MYO5B: variants seen among roughly 807,000 people sequenced by gnomAD.
MYO5B encodes the protein unconventional myosin-Vb.
Under a neutral mutation model 229.3 loss-of-function variants are expected in MYO5B, and 143 were observed. That is an observed-to-expected ratio of 0.62 (90% CI 0.54 to 0.72). MYO5B has a LOEUF of 0.72. Among genes scored for constraint, MYO5B ranks in the 30% least tolerant of loss-of-function variants. The probability of loss-of-function intolerance (pLI) is 0.00; values close to 1 mark genes in which losing one functional copy is unlikely to be tolerated. For synonymous variants in MYO5B, 918 were observed against 885.2 expected (o/e 1.04, Z -0.66); for missense variants, 2,321 against 2,331.0 (o/e 1.00, Z 0.09).
chr18:50,037,200 C>CAT (rs2026458430), intron 3 of MYO5B, among the ~76,000 whole-genome samples: 2 of 151,062 alleles, frequency 1.3e-5, no homozygotes, highest in Non-Finnish European at 2.9e-5. Context: ...TAAGCATACA[C>CAT]ACATACACAC....
At chr18:50,120,092 A>C (rs2032033254) in intron 1 of MYO5B, among the ~76,000 whole-genome samples, 2 of 152,274 alleles carry the variant, frequency 1.3e-5, no homozygotes, top group Non-Finnish European at 2.9e-5. Context: ...GTGCATTTAC[A>C]AAACTTAAGT....
chr18:49,902,612 C>T lies in MYO5B; in HGVS notation c.2793G>A (p.Gln931=). ...CACTGACCTGCTCATCGATCTTCCG[C>T]TGCAGCTGGACCACCTTGTTCTCCA... is the stretch of plus-strand genomic sequence containing the variant. ...VGMENKVVQL[Q]RKIDEQNKEF... Residue 931 remains glutamine (Q), a synonymous_variant, in exon 21 of 40, where the codon CAG becomes CAA. Coordinates refer to ENST00000285039, the MANE Select transcript of MYO5B (RefSeq NM_001080467.3). 6.2e-7 allele frequency: 1 copy of T among 1,612,896 alleles called. No homozygotes were observed. The highest frequency in any genetic ancestry group is 8.5e-7 in the Non-Finnish European group (1 of 1,180,032).
chr18:49,998,878 T>G (rs938684135), intron 5 of MYO5B, among the ~76,000 whole-genome samples: 14 of 152,150 alleles, frequency 9.2e-5, no homozygotes, highest in Non-Finnish European at 1.2e-4. Context: ...AATGGGTAAA[T>G]AATTTCTGTT....
At chr18:49,871,138 A>G (rs1021521126) in intron 27 of MYO5B, among the ~76,000 whole-genome samples, 27 of 152,260 alleles carry the variant, frequency 1.8e-4, no homozygotes, top group African/African-American at 6.5e-4. Flanking sequence ...AATAGAGATC[A>G]ACCATCAGGA....
At position 50,030,876 on chromosome 18, in the gene MYO5B, G is replaced by GAAAAAAAAAAAAAAAAAAAAA. The variant is rs869189090; in HGVS notation, c.455+5953_455+5973dup. Among the ~76,000 whole-genome samples, 14 of 30,500 alleles carry GAAAAAAAAAAAAAAAAAAAAA rather than the reference G, an allele frequency of 4.6e-4. 1 individual carries two copies. The highest frequency in any genetic ancestry group is 2.8e-3 in the South Asian group (1 of 358). 20.0% of individuals were successfully genotyped at this position (30,500 alleles called of 152,430 possible). ...TCTGCAGCATCCCCACTCCCTTTCAGAAAAAAAAAAAAAAAAAAAAAAAAA... is the reference window on the plus strand; with the variant it reads ...TCTGCAGCATCCCCACTCCCTTTCAGAAAAAAAAAAAAAAAAAAAAAAAAAAAAAAAAAAAAAAAAAAAAAA... On this transcript the variant is annotated intron_variant, in intron 4 of 39. Transcript: ENST00000285039.
intron 1 of MYO5B, among the ~76,000 whole-genome samples, chr18:50,144,801 T>C (rs1340930250): frequency 6.6e-6 from 1 of 152,166 alleles, no homozygotes; most frequent in African/African-American, 2.4e-5. Context: ...ACCTAATAGG[T>C]ATACACAGTT....
chr18:49,946,594 G>A (rs2144231852), intron 14 of MYO5B, among the ~76,000 whole-genome samples: 1 of 152,166 alleles, frequency 6.6e-6, no homozygotes, highest in Admixed American at 6.5e-5. Context: ...ATTAAACAGG[G>A]ACTTTGTAAC....
intron 2 of MYO5B, among the ~76,000 whole-genome samples, chr18:50,045,536 G>C (rs186731499): frequency 1.8e-4 from 28 of 152,272 alleles, no homozygotes; most frequent in Admixed American, 1.5e-3. Flanking sequence ...TCGGACTACA[G>C]TTATGTGCCA....
At chr18:50,033,406 G>A (rs921613991) in intron 4 of MYO5B, among the ~76,000 whole-genome samples, 2 of 152,114 alleles carry the variant, frequency 1.3e-5, no homozygotes, top group African/African-American at 4.8e-5. Context: ...TGACACCGTG[G>A]CACAGTTTCT....
At chr18:49,990,359 G>T in intron 7 of MYO5B, 80 bp downstream of exon 7, 1 of 1,205,978 alleles carries the variant, frequency 8.3e-7, no homozygotes, top group South Asian at 1.2e-5. Context: ...ATGACGGAGG[G>T]CTTTGAGCAG....
At chr18:49,838,888 T>A (rs1177764415) in intron 36 of MYO5B, among the ~76,000 whole-genome samples, 1 of 152,202 alleles carries the variant, frequency 6.6e-6, no homozygotes, top group Non-Finnish European at 1.5e-5. Context: ...TGTATTAAAA[T>A]TTGGGAAAAA....
chr18:50,043,650 A>AAT (rs1234236723), intron 2 of MYO5B, among the ~76,000 whole-genome samples: 1 of 138,234 alleles, frequency 7.2e-6, no homozygotes, highest in African/African-American at 2.7e-5. Flanking sequence ...TATATTTATA[A>AAT]ATATGTAAAT....
intron 17 of MYO5B, among the ~76,000 whole-genome samples, chr18:49,912,514 C>T (rs1002496841): frequency 6.6e-6 from 1 of 152,146 alleles, no homozygotes; most frequent in Non-Finnish European, 1.5e-5. Context: ...TCTCACATGT[C>T]GAGGGAGGTA....
chr18:50,039,855 T>C (rs1322281196), intron 3 of MYO5B, among the ~76,000 whole-genome samples: 1 of 152,148 alleles, frequency 6.6e-6, no homozygotes, highest in East Asian at 1.9e-4. Flanking sequence ...GACACGATGC[T>C]GTACTTACTC....
chr18:49,866,009 G>A (rs564873002), intron 27 of MYO5B, among the ~76,000 whole-genome samples: 70 of 152,230 alleles, frequency 4.6e-4, no homozygotes, highest in African/African-American at 1.6e-3. Context: ...GGTCAACAGT[G>A]CCAAAAGAAT....
chr18:49,992,909 C>T (rs989509127), intron 5 of MYO5B, among the ~76,000 whole-genome samples: 1 of 152,190 alleles, frequency 6.6e-6, no homozygotes, highest in African/African-American at 2.4e-5. Flanking sequence ...GTACTTAATA[C>T]ACTTTGATCA....
At position 50,099,596 on chromosome 18, in the gene MYO5B, A is replaced by G. The variant is rs530185374; in HGVS notation, c.28-44218T>C. 1.4e-4 allele frequency among the ~76,000 whole-genome samples: 22 copies of G among 152,336 alleles called. No homozygotes were observed. In the South Asian group the frequency reaches 1.9e-3, roughly 13 times the overall value. On this transcript the variant is annotated intron_variant, in intron 1 of 39. Coordinates refer to ENST00000285039, the MANE Select transcript of MYO5B (RefSeq NM_001080467.3). ...TACCAACAGGCCACCACAGAACACA[A>G]GGATCTTACTCTAAGTGAGACATTC...
chr18:50,010,233 T>C (rs967912846), intron 4 of MYO5B, among the ~76,000 whole-genome samples: 1 of 152,162 alleles, frequency 6.6e-6, no homozygotes, highest in African/African-American at 2.4e-5. Context: ...GCCCTTGGAG[T>C]GCTAAGCGCT....
chr18:50,076,720 T>G (rs1434137042), intron 1 of MYO5B, among the ~76,000 whole-genome samples: 1 of 152,190 alleles, frequency 6.6e-6, no homozygotes, highest in East Asian at 1.9e-4. Flanking sequence ...CTGCCCCCGC[T>G]GCCTTCCTGC....
Sources: gnomAD v4.1 joint callset for allele counts (sites outside exome capture counted in the v4.1 genomes callset) on GRCh38, gnomAD v4.1.1 for gene constraint, MANE v1.5 for transcripts, NCBI Gene and HGNC (gene_info 2026-07-23, HGNC 2026-07-21) for gene names.